The following TXNRD2 variants were observed in gnomAD, a reference collection of about 807,000 sequenced individuals.
TXNRD2 encodes the protein thioredoxin reductase 2, mitochondrial.
In TXNRD2, 67 loss-of-function variants were observed where a neutral mutation model predicts 70.8. The ratio of observed to expected loss-of-function variants is 0.95; its 90% CI spans 0.78 to 1.16. TXNRD2 has a LOEUF of 1.16. Among genes scored for constraint, TXNRD2 ranks in the 50% most tolerant of loss-of-function variants. The pLI is 0.00. For synonymous variants in TXNRD2, 301 were observed against 295.8 expected (o/e 1.02, Z -0.18); for missense variants, 644 against 719.9 (o/e 0.89, Z 1.21).
In TXNRD2 at chr22:19,883,256, G is replaced by A. The variant is rs113941491; in HGVS notation, c.1086+69C>T. On this transcript the variant is annotated intron_variant, in intron 12 of 17. Transcript: ENST00000400521. ...TCTCTCCTACAGGACGGCAGCAGCCGGAGCCCAGCGAGCAGGGGTGGTGGA... is the reference window on the plus strand; with the variant it reads ...TCTCTCCTACAGGACGGCAGCAGCCAGAGCCCAGCGAGCAGGGGTGGTGGA... 5.3e-4 allele frequency: 841 copies of A among 1,578,016 alleles called. 5 individuals are homozygous for A. In the African/African-American group the frequency reaches 9.2e-3, roughly 17 times the overall value.
At chr22:19,922,747 C>T (rs1432900017) in intron 2 of TXNRD2, among the ~76,000 whole-genome samples, 9 of 152,172 alleles carry the variant, frequency 5.9e-5, no homozygotes, top group South Asian at 4.1e-4. Context: ...AGTGCAGTGG[C>T]GTGATCTTGG....
chr22:19,941,242 C>A (rs368455725), intron 1 of TXNRD2, among the ~76,000 whole-genome samples: 2 of 152,114 alleles, frequency 1.3e-5, no homozygotes, highest in South Asian at 4.1e-4. Flanking sequence ...GATTATTGTC[C>A]TGATTTAGTT....
chr22:19,900,246 C>T (rs58882338), intron 8 of TXNRD2, among the ~76,000 whole-genome samples: 1 of 152,106 alleles, frequency 6.6e-6, no homozygotes, highest in Non-Finnish European at 1.5e-5. Context: ...GGACCCCCAG[C>T]CAAGCAGGAT....
chr22:19,887,599 G>C (rs911965745), intron 11 of TXNRD2: 1 of 152,266 alleles, frequency 6.6e-6, no homozygotes, highest in East Asian at 1.9e-4. Context: ...GTACCATCAA[G>C]CGCTGCCTGG....
At chr22:19,909,789 ACAC>A (rs1261940293) in intron 8 of TXNRD2, among the ~76,000 whole-genome samples, 1 of 126,716 alleles carries the variant, frequency 7.9e-6, no homozygotes, top group Admixed American at 8.2e-5. Flanking sequence ...CACACCACAC[ACAC>A]ACCACTCACA....
intron 2 of TXNRD2, among the ~76,000 whole-genome samples, chr22:19,920,855 C>T (rs143090460): frequency 3.7e-4 from 57 of 152,368 alleles, no homozygotes; most frequent in African/African-American, 1.3e-3. Flanking sequence ...GTAATCCCAG[C>T]ACTTTGGGAG....
chr22:19,934,660 T>A (rs546141795), intron 1 of TXNRD2, among the ~76,000 whole-genome samples: 1 of 151,942 alleles, frequency 6.6e-6, no homozygotes, highest in South Asian at 2.1e-4. Flanking sequence ...CCTCCTGGGT[T>A]CACACCATTC....
intron 8 of TXNRD2, among the ~76,000 whole-genome samples, chr22:19,902,611 C>T (rs772292056): frequency 4.6e-5 from 7 of 152,214 alleles, no homozygotes; most frequent in Non-Finnish European, 8.8e-5. Context: ...TGGAACCCCG[C>T]CGCCCCACCC....
chr22:19,880,190 C>G lies in TXNRD2; in HGVS notation c.1264G>C (p.Glu422Gln). 6.2e-7 allele frequency: 1 copy of G among 1,613,256 alleles called. No individual in the cohort carries two copies. Among genetic ancestry groups the G allele is most frequent in the Non-Finnish European group, 8.5e-7 (1 of 1,179,982 alleles). Residue 422 changes from glutamate (E) to glutamine (Q), a missense_variant, in exon 14 of 18, where the codon GAG becomes CAG. Glu to Gln is a conservative substitution (Grantham distance 29). Transcript: ENST00000400521. ...EEEAVARHGQEHVEVYHAHYK... is the reference protein window; with the variant it reads ...EEEAVARHGQQHVEVYHAHYK... ...CTCCCAGGCCTCACCTCAACATGCT[C>G]CTGCCCGTGGCGAGCCACTGCCTCC...
At chr22:19,880,788 C>A in intron 12 of TXNRD2, 71 bp from the exon 13 acceptor site, 1 of 1,117,992 alleles carries the variant, frequency 8.9e-7, no homozygotes, top group East Asian at 2.4e-5. Flanking sequence ...TGCCATCACC[C>A]TTTGCCCTCC....
intron 2 of TXNRD2, among the ~76,000 whole-genome samples, chr22:19,925,337 CG>C (rs1941099010): frequency 6.6e-6 from 1 of 151,582 alleles, no homozygotes; most frequent in Non-Finnish European, 1.5e-5. Context: ...AAAATAAAGA[CG>C]TTTTCAGACA....
chr22:19,897,978 G>C lies in TXNRD2; in HGVS notation c.774+61C>G, dbSNP rs937282390. 1.2e-5 allele frequency: 17 copies of C among 1,396,506 alleles called. No individual in the cohort carries two copies. In the African/African-American group the frequency reaches 2.0e-4, roughly 16 times the overall value. The allele number at this position is 1,396,506 out of a possible 1,614,324, so 86.5% of individuals were successfully genotyped here. A position where few individuals can be genotyped will look rare whatever the true frequency, so the allele number is the denominator to read the frequency against. ...ATGACTGCACTGCACCTGCCTGGGA[G>C]GGGGCTGTGGGAGGAAGGCCTCAGA... On this transcript the variant is annotated intron_variant, in intron 10 of 17. Transcript: ENST00000400521.
At chr22:19,898,925 G>C (rs1939644844) in intron 9 of TXNRD2, 124 bp downstream of exon 9, 1 of 1,241,258 alleles carries the variant, frequency 8.1e-7, no homozygotes, top group Non-Finnish European at 1.1e-6. Context: ...TCCACGCCGA[G>C]AGGCCCAGTA....
At chr22:19,909,571 C>CACACCATTCACACAT (rs1475187700) in intron 8 of TXNRD2, among the ~76,000 whole-genome samples, 2 of 141,018 alleles carry the variant, frequency 1.4e-5, no homozygotes, top group Non-Finnish European at 3.0e-5. Flanking sequence ...CTCACATACA[C>CACACCATTCACACAT]ACACCACACA....
chr22:19,878,649 C>T (rs1202127644), intron 14 of TXNRD2, among the ~76,000 whole-genome samples: 1 of 152,242 alleles, frequency 6.6e-6, no homozygotes, highest in Non-Finnish European at 1.5e-5. Context: ...TGGCTGGAGC[C>T]ATGCTCTGCA....
chr22:19,883,572 T>A, intron 11 of TXNRD2, 111 bp from the exon 12 acceptor site: 2 of 1,500,090 alleles, frequency 1.3e-6, no homozygotes, highest in Non-Finnish European at 1.8e-6. Context: ...GTGCAGTGGC[T>A]CCTGCCTGTA....
chr22:19,877,861 G>A (rs936519256), intron 16 of TXNRD2, among the ~76,000 whole-genome samples: 2 of 152,042 alleles, frequency 1.3e-5, no homozygotes, highest in African/African-American at 4.8e-5. Context: ...GGCCACAGGG[G>A]ACACCTCACC....
rs537488723 is a variant in TXNRD2, at chr22:19,920,060, C to G, written c.173-461G>C. On this transcript the variant is annotated intron_variant, in intron 2 of 17. Transcript: ENST00000400521. ...ACTCAGAGGCTCTCCCTTGCCCCTT[C>G]CCATCCCAGCCAGAGCCCCCTAGGT... Among the ~76,000 whole-genome samples, 33 of 152,294 alleles carry G rather than the reference C, an allele frequency of 2.2e-4. No individual in the cohort carries two copies. In the South Asian group the frequency reaches 3.5e-3, roughly 16 times the overall value.
At chr22:19,927,729 A>G (rs1941206809) in intron 2 of TXNRD2, among the ~76,000 whole-genome samples, 1 of 152,024 alleles carries the variant, frequency 6.6e-6, no homozygotes, top group South Asian at 2.1e-4. Flanking sequence ...CATAGGATGC[A>G]AAACTATATA....
Sources: allele counts gnomAD v4.1 joint callset (sites outside exome capture counted in the v4.1 genomes callset), GRCh38; gene constraint gnomAD v4.1.1; transcripts MANE v1.5; gene names NCBI Gene and HGNC (gene_info 2026-07-23, HGNC 2026-07-21).